Variants in GKN2 observed in about 807,000 individuals in gnomAD.
GKN2 encodes gastrokine-2.
Under a neutral mutation model 22.7 loss-of-function variants are expected in GKN2, and 17 were observed. That is an observed-to-expected ratio of 0.75 (90% CI 0.51 to 1.13). The LOEUF is 1.13. GKN2 is among the 50% of genes most tolerant of loss of function. The pLI is 0.00. For missense variants in GKN2, 248 were observed against 221.4 expected, an observed-to-expected ratio of 1.12 and a Z score of -0.76; for synonymous variants, 82 against 79.6, an observed-to-expected ratio of 1.03 and a Z score of -0.16.
chr2:68,947,359 A>G, intron 3 of GKN2, 102 bp from the exon 4 acceptor site: 2 of 734,930 alleles, frequency 2.7e-6, no homozygotes, highest in Non-Finnish European at 5.0e-6. Context: ...GAACATGCAC[A>G]GTGAATATAT....
At chr2:68,950,817 G>T in intron 1 of GKN2, 62 bp from the exon 2 acceptor site, 3 of 1,525,970 alleles carry the variant, frequency 2.0e-6, no homozygotes, top group Non-Finnish European at 2.7e-6. Flanking sequence ...GGGACAGGAG[G>T]AAACACTGGA....
rs1367666738 is a variant in GKN2, at chr2:68,950,710, C to G, written c.58G>C (p.Gly20Arg). ...ATAAGGAACCAACTCACCTCGTATCCATGAGATTGTATCCCAAAGATGGTC... is the reference window on the plus strand; with the variant it reads ...ATAAGGAACCAACTCACCTCGTATCGATGAGATTGTATCCCAAAGATGGTC... ...VLTIFGIQSH[G>R]YEVFNIISPS... The change falls in exon 2 of 6, where the codon GGA becomes CGA. Residue 20 changes from glycine to arginine, a missense_variant. By Grantham distance (125) the Gly-to-Arg change is moderately radical (BLOSUM62 -2). Coordinates refer to ENST00000328895, the MANE Select transcript of GKN2 (RefSeq NM_182536.3). 4 of 1,614,032 alleles carry G rather than the reference C, an allele frequency of 2.5e-6. No homozygotes were observed. Among genetic ancestry groups the G allele is most frequent in the Non-Finnish European group, 3.4e-6 (4 of 1,179,896 alleles).
chr2:68,948,207 C>T lies in GKN2; in HGVS notation c.205-950G>A, dbSNP rs542850396. Among the ~76,000 whole-genome samples the T allele has an allele frequency of 1.0e-3, 145 of 141,814 alleles. 1 individual carries two copies. The highest frequency in any genetic ancestry group is 3.8e-3 in the African/African-American group (145 of 38,246). 93.0% of individuals were successfully genotyped at this position (141,814 alleles called of 152,430 possible). The stretch of plus-strand genomic sequence containing the variant: ...CTTGCAGTGAGCCAAGATCACACCA[C>T]TGGACTCCAGCCTGGGTGACAGAGC... On this transcript the variant is annotated intron_variant, in intron 3 of 5. Transcript: ENST00000328895.
chr2:68,948,141 G>T (rs191604217), intron 3 of GKN2, among the ~76,000 whole-genome samples: 2,044 of 151,642 alleles, frequency 0.013, 43 homozygotes, highest in African/African-American at 0.047. Context: ...AGCTACTCGG[G>T]AGGCTGAGGC....
chr2:68,950,893 C>A, intron 1 of GKN2, 138 bp from the exon 2 acceptor site: 2 of 777,096 alleles, frequency 2.6e-6, no homozygotes, highest in Non-Finnish European at 4.5e-6. Context: ...AGATGGTCAG[C>A]ACTCCCTTTC....
intron 3 of GKN2, among the ~76,000 whole-genome samples, chr2:68,948,792 C>T (rs993459573): frequency 3.9e-5 from 6 of 152,190 alleles, no homozygotes; most frequent in African/African-American, 1.4e-4. Context: ...TTTCAATTCT[C>T]ACAAATTGTC....
chr2:68,947,241 C>G lies in GKN2; in HGVS notation c.221G>C (p.Arg74Thr). ...AAAGCAGGCTCTTCGGGAGAGCACCCTGGATGCAATGTAGCCCTGAGGCAG... is the reference window on the plus strand; with the variant it reads ...AAAGCAGGCTCTTCGGGAGAGCACCGTGGATGCAATGTAGCCCTGAGGCAG... The part of the protein sequence containing the change: ...FDYKHGYIAS[R>T]VLSRRACFIL... The change falls in exon 4 of 6, where the codon AGG becomes ACG. Residue 74 changes from arginine to threonine, a missense_variant. Coordinates refer to ENST00000328895, the MANE Select transcript of GKN2 (RefSeq NM_182536.3). 1 of 1,612,800 alleles carries G rather than the reference C, an allele frequency of 6.2e-7. No individual in the cohort carries two copies. The highest frequency in any genetic ancestry group is 8.5e-7 in the Non-Finnish European group (1 of 1,178,834).
chr2:68,950,558 G>T, intron 2 of GKN2, 144 bp downstream of exon 2: 2 of 749,218 alleles, frequency 2.7e-6, no homozygotes, highest in Non-Finnish European at 4.5e-6. Flanking sequence ...GAATAGCCAA[G>T]CTCATTATTT....
At position 68,950,113 on chromosome 2, in the gene GKN2, A is replaced by G. The variant is rs1473510192; in HGVS notation, c.204+13T>C. Reference sequence around the variant, plus strand: ...CTAGTCCTGATGAATATGAAAATTCATTTGCTGCTTACATGTTTATAGTCA... The same window carrying G: ...CTAGTCCTGATGAATATGAAAATTCGTTTGCTGCTTACATGTTTATAGTCA... On this transcript the variant is annotated intron_variant, in intron 3 of 5. Transcript: ENST00000328895. 2 of 1,611,434 alleles carry G rather than the reference A, an allele frequency of 1.2e-6. No individual in the cohort carries two copies. The highest frequency in any genetic ancestry group is 1.7e-4 in the Middle Eastern group (1 of 6,050).
chr2:68,946,413 G>A lies in GKN2; in HGVS notation c.363C>T (p.Asn121=). The change falls in exon 5 of 6, where the codon AAC becomes AAT. Residue 121 remains asparagine, a synonymous_variant. Coordinates refer to ENST00000328895, the MANE Select transcript of GKN2 (RefSeq NM_182536.3). ...FSSKYTWVKY[N]PLESLIKDVD... ...CGTCTTTGATCAGAGACTCCAGAGG[G>A]TTGTACTTGACCCAGGTGTATTTGC... 3 of 1,613,370 alleles carry A rather than the reference G, an allele frequency of 1.9e-6. No homozygotes were observed. The highest frequency in any genetic ancestry group is 2.5e-6 in the Non-Finnish European group (3 of 1,179,706).
At chr2:68,951,839 T>C (rs1298660149) in intron 1 of GKN2, among the ~76,000 whole-genome samples, 1 of 152,212 alleles carries the variant, frequency 6.6e-6, no homozygotes, top group African/African-American at 2.4e-5. Flanking sequence ...TAGAGAGAGC[T>C]TGGGGAGTGT....
chr2:68,947,606 T>A (rs1254554775), intron 3 of GKN2, among the ~76,000 whole-genome samples: 1 of 152,122 alleles, frequency 6.6e-6, no homozygotes, highest in African/African-American at 2.4e-5. Context: ...TTATTATTTT[T>A]TTGAGACAGA....
rs1179786646 is a variant in GKN2, at chr2:68,946,324, C to G, written c.452G>C (p.Gly151Ala). Residue 151 changes from glycine to alanine, a missense_variant, in exon 5 of 6, where the codon GGG becomes GCG. Gly to Ala is a moderately conservative substitution (Grantham distance 60). Transcript: ENST00000328895. The part of the protein sequence containing the change: ...KLCKHIPLYK[G>A]EVVENTHNVG... Reference sequence around the variant, plus strand: ...CTCACGTGTGTTTTCAACCACTTCCCCCTTATACAAAGGGATATGTTTGCA... The same window carrying G: ...CTCACGTGTGTTTTCAACCACTTCCGCCTTATACAAAGGGATATGTTTGCA... The G allele has an allele frequency of 6.2e-7, 1 of 1,610,658 alleles. No individual in the cohort carries two copies. Among genetic ancestry groups the G allele is most frequent in the African/African-American group, 1.3e-5 (1 of 74,830 alleles).
At chr2:68,947,333 C>T (rs987540930) in intron 3 of GKN2, 76 bp from the exon 4 acceptor site, 13 of 919,342 alleles carry the variant, frequency 1.4e-5, no homozygotes, top group Middle Eastern at 2.1e-4. Context: ...ATGCCTGAAC[C>T]TCGGAAGAAA....
chr2:68,949,777 A>G (rs1669827613), intron 3 of GKN2, among the ~76,000 whole-genome samples: 1 of 151,808 alleles, frequency 6.6e-6, no homozygotes, highest in African/African-American at 2.4e-5. Flanking sequence ...TCATTTGTTC[A>G]CTCAACAAAT....
intron 3 of GKN2, among the ~76,000 whole-genome samples, chr2:68,948,831 G>T (rs1669812747): frequency 3.9e-5 from 6 of 152,178 alleles, no homozygotes; most frequent in Admixed American, 3.9e-4. Flanking sequence ...AATAGACAGA[G>T]GCTGAGCCTG....
intron 1 of GKN2, 29 bp downstream of exon 1, chr2:68,952,821 A>C: frequency 6.2e-7 from 1 of 1,613,276 alleles, no homozygotes; most frequent in Non-Finnish European, 8.5e-7. Context: ...TCACCACAAG[A>C]GTATCAAGAA....
chr2:68,945,819 T>A, intron 5 of GKN2: 1 of 225,140 alleles, frequency 4.4e-6, no homozygotes, highest in Admixed American at 5.1e-5. Context: ...ATATCTGCAG[T>A]GGCATATGTT....
At chr2:68,947,703 G>C (rs1669790449) in intron 3 of GKN2, among the ~76,000 whole-genome samples, 1 of 152,066 alleles carries the variant, frequency 6.6e-6, no homozygotes, top group Non-Finnish European at 1.5e-5. Flanking sequence ...CAACTCTCTT[G>C]CCTCAGCTTC....
Sources: gnomAD v4.1 joint callset for allele counts (sites outside exome capture counted in the v4.1 genomes callset) on GRCh38, gnomAD v4.1.1 for gene constraint, MANE v1.5 for transcripts, NCBI Gene and HGNC (gene_info 2026-07-23, HGNC 2026-07-21) for gene names.